The following ST3GAL6 variants were observed in gnomAD, a reference collection of about 807,000 sequenced individuals.
ST3GAL6 encodes type 2 lactosamine alpha-2,3-sialyltransferase.
Under a neutral mutation model 40.5 loss-of-function variants are expected in ST3GAL6, and 31 were observed. That is an observed-to-expected ratio of 0.77 (90% confidence interval 0.58 to 1.03). The LOEUF (loss-of-function observed/expected upper bound fraction) is 1.03, where lower values mean the gene tolerates loss of function less well. ST3GAL6 is among the 50% of genes least tolerant of loss of function. The pLI, the probability that ST3GAL6 is intolerant of heterozygous loss-of-function variation, is 0.00. For missense variants in ST3GAL6, 357 were observed against 393.2 expected (o/e 0.91, Z 0.78); for synonymous variants, 129 against 136.9 (o/e 0.94, Z 0.40).
chr3:98,792,765 C>A (rs555636095), intron 9 of ST3GAL6, among the ~76,000 whole-genome samples: 130 of 151,738 alleles, frequency 8.6e-4, no homozygotes, highest in African/African-American at 2.9e-3. Context: ...GTGATCTGCC[C>A]GCCTTAGCCT....
At chr3:98,737,565 G>A (rs1935662735) in intron 1 of ST3GAL6, among the ~76,000 whole-genome samples, 1 of 152,094 alleles carries the variant, frequency 6.6e-6, no homozygotes, top group African/African-American at 2.4e-5. Flanking sequence ...ATTTCAAGAT[G>A]TCTCATCATC....
intron 1 of ST3GAL6, among the ~76,000 whole-genome samples, chr3:98,744,504 G>T (rs895692056): frequency 1.3e-5 from 2 of 152,070 alleles, no homozygotes; most frequent in Non-Finnish European, 1.5e-5. Flanking sequence ...TGTGCCCTGG[G>T]GGCAGACAAG....
intron 1 of ST3GAL6, among the ~76,000 whole-genome samples, chr3:98,757,702 G>T (rs976321049): frequency 6.6e-6 from 1 of 152,108 alleles, no homozygotes; most frequent in African/African-American, 2.4e-5. Flanking sequence ...CTGTGCTTTG[G>T]TGTCTTTATC....
At chr3:98,790,798 T>C (rs1362536072) in intron 8 of ST3GAL6, among the ~76,000 whole-genome samples, 2 of 151,926 alleles carry the variant, frequency 1.3e-5, no homozygotes, top group Non-Finnish European at 2.9e-5. Context: ...GATGAAGGAC[T>C]CTTAAGATGT....
At chr3:98,777,972 A>G (rs1029930163) in intron 5 of ST3GAL6, among the ~76,000 whole-genome samples, 1 of 152,144 alleles carries the variant, frequency 6.6e-6, no homozygotes, top group African/African-American at 2.4e-5. Context: ...CCTAAGGATT[A>G]TTGCTTTCTC....
chr3:98,737,325 A>T (rs1935637742), intron 1 of ST3GAL6, among the ~76,000 whole-genome samples: 1 of 152,196 alleles, frequency 6.6e-6, no homozygotes, highest in African/African-American at 2.4e-5. Context: ...TGTTGGGATT[A>T]CAGGCGTGAG....
At chr3:98,764,026 G>A (rs1030703621) in intron 1 of ST3GAL6, among the ~76,000 whole-genome samples, 3 of 152,156 alleles carry the variant, frequency 2.0e-5, no homozygotes, top group African/African-American at 7.2e-5. Context: ...CTTCCAGACT[G>A]AAACAGAACT....
At chr3:98,738,078 C>T (rs1210662837) in intron 1 of ST3GAL6, among the ~76,000 whole-genome samples, 1 of 142,876 alleles carries the variant, frequency 7.0e-6, no homozygotes, top group African/African-American at 2.6e-5. Context: ...GGTTGTTTAG[C>T]CTCCCCCCGC....
chr3:98,743,765 A>G (rs1301454194), intron 1 of ST3GAL6, among the ~76,000 whole-genome samples: 1 of 152,098 alleles, frequency 6.6e-6, no homozygotes, highest in African/African-American at 2.4e-5. Context: ...GCCACCATAG[A>G]TTAATTCTTT....
intron 5 of ST3GAL6, chr3:98,784,340 TA>T (rs1350755357): frequency 6.6e-6 from 1 of 152,306 alleles, no homozygotes; most frequent in Non-Finnish European, 1.5e-5. Flanking sequence ...TTGTATTGGT[TA>T]AGCTCCAAGG....
chr3:98,747,839 G>A (rs75009200), intron 1 of ST3GAL6, among the ~76,000 whole-genome samples: 2,344 of 152,230 alleles, frequency 0.015, 64 homozygotes, highest in African/African-American at 0.054. Context: ...GTTTTTGTGT[G>A]TATATATAAA....
intron 1 of ST3GAL6, among the ~76,000 whole-genome samples, chr3:98,741,989 A>T (rs892298482): frequency 6.6e-6 from 1 of 152,214 alleles, no homozygotes; most frequent in Non-Finnish European, 1.5e-5. Flanking sequence ...CAAGAGGATC[A>T]CTACAAATGT....
At chr3:98,758,222 A>C (rs551220187) in intron 1 of ST3GAL6, among the ~76,000 whole-genome samples, 2 of 152,280 alleles carry the variant, frequency 1.3e-5, no homozygotes, top group South Asian at 4.1e-4. Flanking sequence ...GAAAAATTCC[A>C]GTCTTTATCC....
chr3:98,756,368 G>GC, intron 1 of ST3GAL6: 1 of 1,289,694 alleles, frequency 7.8e-7, no homozygotes, highest in Non-Finnish European at 1.0e-6. Flanking sequence ...TTTTATTTCA[G>GC]CATTTGCAAG....
Position 98,772,736 on chromosome 3 carries a change from T to C in ST3GAL6, c.168-77T>C, listed in dbSNP as rs942161642. 3.7e-5 allele frequency: 34 copies of C among 931,126 alleles called. No individual in the cohort carries two copies. In the Admixed American group the frequency reaches 5.5e-4, roughly 15 times the overall value. 57.7% of individuals were successfully genotyped at this position (931,126 alleles called of 1,614,324 possible). On this transcript the variant is annotated intron_variant, in intron 3 of 9. Transcript: ENST00000483910. ...AATGATATGGATTATATGCTGTAGT[T>C]ACTTTTAGTTTTGATTTTAAAAGCT...
At position 98,788,027 on chromosome 3, in the gene ST3GAL6, T is replaced by C; in HGVS notation, c.432-9T>C. The C allele has an allele frequency of 6.2e-7, 1 of 1,609,516 alleles. No individual in the cohort carries two copies. Among genetic ancestry groups the C allele is most frequent in the Non-Finnish European group, 8.5e-7 (1 of 1,178,072 alleles). On this transcript the variant is annotated splice_polypyrimidine_tract_variant and intron_variant, in intron 6 of 9. Coordinates refer to ENST00000483910, the MANE Select transcript of ST3GAL6 (RefSeq NM_001323368.2). ...GGTCTACATATCTTGTATGTTTTACTATCCACAGAATGAATAATGGTCCTG... is the reference window on the plus strand; with the variant it reads ...GGTCTACATATCTTGTATGTTTTACCATCCACAGAATGAATAATGGTCCTG...
At chr3:98,741,083 T>TGTGTGTGTGTGTGTGTGTGTGA (rs374127164) in intron 1 of ST3GAL6, among the ~76,000 whole-genome samples, 5 of 150,372 alleles carry the variant, frequency 3.3e-5, no homozygotes, top group African/African-American at 9.8e-5. Flanking sequence ...TGTGTGTGTG[T>TGTGTGTGTGTGTGTGTGTGTGA]GCATGCATGT....
At chr3:98,733,070 G>T (rs1281467526) in intron 1 of ST3GAL6, 5 of 1,407,838 alleles carry the variant, frequency 3.6e-6, no homozygotes, top group East Asian at 5.7e-5. Flanking sequence ...GCGGCCTGGG[G>T]TCTGTGCTGC....
chr3:98,792,800 T>C (rs1448772827), intron 9 of ST3GAL6, among the ~76,000 whole-genome samples: 3 of 152,024 alleles, frequency 2.0e-5, no homozygotes, highest in Non-Finnish European at 4.4e-5. Context: ...ATTACAGGCA[T>C]GGGCCACTGT....
Sources: gnomAD v4.1 joint callset for allele counts (sites outside exome capture counted in the v4.1 genomes callset) on GRCh38, gnomAD v4.1.1 for gene constraint, MANE v1.5 for transcripts, NCBI Gene and HGNC (gene_info 2026-07-23, HGNC 2026-07-21) for gene names.